OSBPL5: variants seen among roughly 807,000 people sequenced by gnomAD.
OSBPL5 encodes oxysterol-binding protein-related protein 5.
In OSBPL5, 71 loss-of-function variants were observed where a neutral mutation model predicts 111.2. The ratio of observed to expected loss-of-function variants is 0.64; its 90% CI spans 0.53 to 0.78. The LOEUF (loss-of-function observed/expected upper bound fraction) is 0.78, where lower values mean the gene tolerates loss of function less well. OSBPL5 is among the 30% of genes least tolerant of loss of function. OSBPL5 has a pLI of 0.00. For missense variants in OSBPL5, 1,210 were observed against 1,189.3 expected (o/e 1.02, Z -0.26); for synonymous variants, 549 against 513.9 (o/e 1.07, Z -0.93).
intron 1 of OSBPL5, among the ~76,000 whole-genome samples, chr11:3,163,662 C>T (rs145573506): frequency 0.016 from 2,369 of 152,292 alleles, 22 homozygotes; most frequent in Non-Finnish European, 0.021. Flanking sequence ...GCCCGGGGTT[C>T]GACATCTGCA....
chr11:3,092,833 A>C lies in OSBPL5; in HGVS notation c.2132+34T>G. The C allele has an allele frequency of 2.7e-6, 4 of 1,499,462 alleles. No individual in the cohort carries two copies. The highest frequency in any genetic ancestry group is 3.6e-6 in the Non-Finnish European group (4 of 1,115,480). The allele number at this position is 1,499,462 out of a possible 1,614,324, so 92.9% of individuals were successfully genotyped here. The stretch of plus-strand genomic sequence containing the variant: ...CAGCCCGTCTGCTAGGCCCAGCCCC[A>C]CCCTGTGGCCCCCAGGGCTTTGTCG... On this transcript the variant is annotated intron_variant, in intron 18 of 21. Transcript: ENST00000263650. The surrounding 1 kb of genome is among the most constrained non-coding windows in gnomAD (Gnocchi z 5.4).
chr11:3,102,715 C>T (rs947390925), intron 11 of OSBPL5, among the ~76,000 whole-genome samples: 3 of 152,128 alleles, frequency 2.0e-5, no homozygotes, highest in Admixed American at 6.5e-5. Context: ...AGTGGAACCA[C>T]GGTCGTGGTT....
rs557075044 is a variant in OSBPL5, at chr11:3,103,802, A to T, written c.1244+391T>A. Among the ~76,000 whole-genome samples the T allele has an allele frequency of 9.0e-3, 366 of 40,738 alleles. 11 individuals carry two copies. The highest frequency in any genetic ancestry group is 0.022 in the African/African-American group (349 of 15,890). The allele number at this position is 40,738 out of a possible 152,430, so 26.7% of individuals were successfully genotyped here. Reference sequence around the variant, plus strand: ...CTCTGCAGTCCCTTCCTGCCTCTGCAGCCCTCTTCCTGCCTGCGCAGCCCC... The same window carrying T: ...CTCTGCAGTCCCTTCCTGCCTCTGCTGCCCTCTTCCTGCCTGCGCAGCCCC... On this transcript the variant is annotated intron_variant, in intron 10 of 21. Coordinates refer to ENST00000263650, the MANE Select transcript of OSBPL5 (RefSeq NM_020896.4).
At position 3,130,114 on chromosome 11, in the gene OSBPL5, G is replaced by C. The variant is rs914362183; in HGVS notation, c.-21-945C>G. 2.0e-5 allele frequency among the ~76,000 whole-genome samples: 3 copies of C among 152,232 alleles called. No homozygotes were observed. The highest frequency in any genetic ancestry group is 7.2e-5 in the African/African-American group (3 of 41,458). ...CACGCCTTTGCAGGCACTTGAAGTT[G>C]ACGGCGCCAGATCCACTGAGGTCTC... On this transcript the variant is annotated intron_variant, in intron 1 of 21. Coordinates refer to ENST00000263650, the MANE Select transcript of OSBPL5 (RefSeq NM_020896.4). This position sits in a 1 kb window ranked among gnomAD's most constrained non-coding sequence, Gnocchi z 4.5.
chr11:3,152,383 C>T (rs1290760179), intron 1 of OSBPL5, among the ~76,000 whole-genome samples: 1 of 152,212 alleles, frequency 6.6e-6, no homozygotes, highest in Non-Finnish European at 1.5e-5. Context: ...TCTTAAATAA[C>T]AGTATAGGTG....
intron 1 of OSBPL5, among the ~76,000 whole-genome samples, chr11:3,163,099 C>T (rs539800727): frequency 1.3e-5 from 2 of 152,348 alleles, no homozygotes; most frequent in South Asian, 4.1e-4. Context: ...CTCTACAACC[C>T]CCTGTCCCGG....
At chr11:3,163,150 C>G (rs371982566) in intron 1 of OSBPL5, among the ~76,000 whole-genome samples, 1 of 152,220 alleles carries the variant, frequency 6.6e-6, no homozygotes, top group East Asian at 1.9e-4. Flanking sequence ...CCGGGAGAAC[C>G]CTGAGCTGGG....
At chr11:3,117,108 A>C (rs1480423380) in intron 7 of OSBPL5, among the ~76,000 whole-genome samples, 1 of 152,230 alleles carries the variant, frequency 6.6e-6, no homozygotes, top group Non-Finnish European at 1.5e-5. Context: ...TGCAGTAAGA[A>C]TCTGTTTTCA....
intron 1 of OSBPL5, among the ~76,000 whole-genome samples, chr11:3,157,172 G>T (rs4237785): frequency 6.6e-6 from 1 of 152,070 alleles, no homozygotes; most frequent in East Asian, 1.9e-4. Flanking sequence ...CAAACACATG[G>T]GAGCAGACTC....
At position 3,103,877 on chromosome 11, in the gene OSBPL5, TCTGTA is replaced by T. The variant is rs1857596907; in HGVS notation, c.1244+311_1244+315del. Among the ~76,000 whole-genome samples, 8 of 19,012 alleles carry T rather than the reference TCTGTA, an allele frequency of 4.2e-4. 1 individual carries two copies. Among genetic ancestry groups the T allele is most frequent in the Non-Finnish European group, 5.2e-4 (4 of 7,660 alleles). The allele number at this position is 19,012 out of a possible 152,430, so 12.5% of individuals were successfully genotyped here. On this transcript the variant is annotated intron_variant, in intron 10 of 21. Coordinates refer to ENST00000263650, the MANE Select transcript of OSBPL5 (RefSeq NM_020896.4). ...CAGTCTGCGCAGCCCCCTTCCTGCC[TCTGTA>T]GCCCCATTCCTGCCTCTGCAGCCCC...
At position 3,092,880 on chromosome 11, in the gene OSBPL5, A is replaced by G. The variant is rs1326656344; in HGVS notation, c.2119T>C (p.Tyr707His). 1 of 1,547,740 alleles carries G rather than the reference A, an allele frequency of 6.5e-7. No individual in the cohort carries two copies. Among genetic ancestry groups the G allele is most frequent in the Admixed American group, 2.0e-5 (1 of 50,878 alleles). The change falls in exon 18 of 22, where the codon TAC (tyrosine) becomes CAC (histidine). Residue 707 changes from tyrosine to histidine, a missense_variant. By Grantham distance (83) the Tyr-to-His change is moderately conservative. Coordinates refer to ENST00000263650, the MANE Select transcript of OSBPL5 (RefSeq NM_020896.4). The surrounding 1 kb of genome is among the most constrained non-coding windows in gnomAD (Gnocchi z 5.4). ...GTCGGCACTCACTCCTCGTATCGGTAGTGCCACTCCTGGGTGATGGGGTCC... is the reference window on the plus strand; with the variant it reads ...GTCGGCACTCACTCCTCGTATCGGTGGTGCCACTCCTGGGTGATGGGGTCC... ...HLDPITQEWH[Y>H]RYEDHSPWDP...
Position 3,092,634 on chromosome 11 carries a change from G to GC in OSBPL5, c.2133-77dup, listed in dbSNP as rs373900232. On this transcript the variant is annotated intron_variant, in intron 18 of 21. Transcript: ENST00000263650. This position sits in a 1 kb window ranked among gnomAD's most constrained non-coding sequence, Gnocchi z 5.4. ...GGGGGCTGTCCTGGCCCAGTCTTCAGCCCCCCAACAGTGGCCAGAGACCTC... is the reference window on the plus strand; with the variant it reads ...GGGGGCTGTCCTGGCCCAGTCTTCAGCCCCCCCAACAGTGGCCAGAGACCTC... The GC allele has an allele frequency of 5.0e-4, 732 of 1,470,746 alleles. 3 individuals carry two copies. The African/African-American group carries it at 9.1e-3, about 18-fold the overall frequency. 91.1% of individuals were successfully genotyped at this position (1,470,746 alleles called of 1,614,324 possible). A position where few individuals can be genotyped will look rare whatever the true frequency, so the allele number is the denominator to read the frequency against.
At chr11:3,103,375 C>A (rs1047456325) in intron 10 of OSBPL5, 55 bp from the exon 11 acceptor site, 52 of 1,495,698 alleles carry the variant, frequency 3.5e-5, no homozygotes, top group Non-Finnish European at 4.6e-5. Context: ...GGGCCACCCT[C>A]CCTTTCCCTG....
chr11:3,150,601 G>A (rs367807365), intron 1 of OSBPL5, among the ~76,000 whole-genome samples: 1 of 152,328 alleles, frequency 6.6e-6, no homozygotes, highest in South Asian at 2.1e-4. Context: ...CTGTGGTGTC[G>A]TGAGAGCTCA....
intron 1 of OSBPL5, among the ~76,000 whole-genome samples, chr11:3,159,911 TAAAC>T (rs1254815470): frequency 3.9e-5 from 6 of 152,088 alleles, no homozygotes; most frequent in Non-Finnish European, 8.8e-5. Context: ...AGGAGGCAAA[TAAAC>T]TCTGCTGACC....
chr11:3,155,620 G>C (rs1424698790), intron 1 of OSBPL5, among the ~76,000 whole-genome samples: 4 of 129,278 alleles, frequency 3.1e-5, no homozygotes, highest in East Asian at 4.5e-4. Context: ...CTCACCCCAG[G>C]TCTGCCACTC....
chr11:3,094,331 A>G lies in OSBPL5; in HGVS notation c.1625T>C (p.Ile542Thr), dbSNP rs758059874. Reference sequence around the variant, plus strand: ...CTCCAGGGTCATCGTGCCATACAGGATTCCTGAAATGCAGCCAGTGTCAGG... The same window carrying G: ...CTCCAGGGTCATCGTGCCATACAGGGTTCCTGAAATGCAGCCAGTGTCAGG... ...LTMPYAHCKG[I>T]LYGTMTLELG... Residue 542 changes from isoleucine to threonine, a missense_variant, in exon 15 of 22, where the codon ATC (isoleucine) becomes ACC (threonine). By Grantham distance (89) the Ile-to-Thr change is moderately conservative (BLOSUM62 -1). Coordinates refer to ENST00000263650, the MANE Select transcript of OSBPL5 (RefSeq NM_020896.4). The G allele has an allele frequency of 1.9e-6, 3 of 1,613,136 alleles. No individual in the cohort carries two copies. The highest frequency in any genetic ancestry group is 2.2e-5 in the South Asian group (2 of 91,076).
At chr11:3,149,830 G>A (rs1846511864) in intron 1 of OSBPL5, among the ~76,000 whole-genome samples, 1 of 152,210 alleles carries the variant, frequency 6.6e-6, no homozygotes, top group Admixed American at 6.5e-5. Context: ...TGTGGCTGCT[G>A]GTGAGTGTTC....
In OSBPL5 at chr11:3,107,972, C is replaced by T. The variant is rs1432632650; in HGVS notation, c.692-27G>A. The stretch of plus-strand genomic sequence containing the variant: ...TGCGGGGCACACGGGATGAGCATGC[C>T]CCACCCCCACCTCTGTATATCCCGC... On this transcript the variant is annotated intron_variant, in intron 7 of 21. Coordinates refer to ENST00000263650, the MANE Select transcript of OSBPL5 (RefSeq NM_020896.4). This position sits in a 1 kb window ranked among gnomAD's most constrained non-coding sequence, Gnocchi z 6.1. 1.7e-6 allele frequency: 1 copy of T among 594,180 alleles called. No homozygotes were observed. The highest frequency in any genetic ancestry group is 3.7e-5 in the Admixed American group (1 of 27,192). 36.8% of individuals were successfully genotyped at this position (594,180 alleles called of 1,614,324 possible). A position where few individuals can be genotyped will look rare whatever the true frequency, so the allele number is the denominator to read the frequency against.
Sources: allele counts gnomAD v4.1 joint callset (sites outside exome capture counted in the v4.1 genomes callset), GRCh38; gene constraint gnomAD v4.1.1; non-coding constraint Gnocchi (gnomAD v3.1); transcripts MANE v1.5; gene names NCBI Gene and HGNC (gene_info 2026-07-23, HGNC 2026-07-21).